The following HEPH variants were observed in gnomAD, a reference collection of about 807,000 sequenced individuals.
The protein encoded by HEPH is hephaestin.
HEPH carries 69 observed loss-of-function variants against 80.8 expected under a neutral mutation model. That is an observed-to-expected ratio of 0.85 (90% CI 0.70 to 1.04). The LOEUF (loss-of-function observed/expected upper bound fraction) is 1.04, where lower values mean the gene tolerates loss of function less well. Ranked by LOEUF, HEPH falls within the 50% of genes least tolerant of loss-of-function variation. The probability of loss-of-function intolerance (pLI) is 0.00; values close to 1 mark genes in which losing one functional copy is unlikely to be tolerated. For missense variants in HEPH, 1,115 were observed against 891.3 expected, an observed-to-expected ratio of 1.25 and a Z score of -3.20; for synonymous variants, 431 against 322.8, an observed-to-expected ratio of 1.34 and a Z score of -3.60.
At chrX:66,194,524 A>T (rs2087982428) in intron 8 of HEPH, among the ~76,000 whole-genome samples, 2 of 112,288 alleles carry the variant, frequency 1.8e-5, no homozygotes, top group Admixed American at 9.4e-5. Flanking sequence ...AAGCTAGATT[A>T]CATGTGGTGG....
intron 6 of HEPH, 57 bp from the exon 7 acceptor site, chrX:66,192,073 C>T: frequency 9.0e-7 from 1 of 1,109,589 alleles, no homozygotes. Flanking sequence ...AAGGTGAGTC[C>T]TCTGGGTTAA....
chrX:66,194,154 T>A (rs995187734), intron 8 of HEPH, among the ~76,000 whole-genome samples: 1 of 111,434 alleles, frequency 9.0e-6, no homozygotes, highest in South Asian at 3.8e-4. Context: ...TTTAGTAGCA[T>A]GATGGAACCA....
chrX:66,172,673 A>G, intron 3 of HEPH, 74 bp downstream of exon 3: 1 of 1,007,066 alleles, frequency 9.9e-7, no homozygotes, highest in Non-Finnish European at 1.3e-6. Context: ...GTGAAGGAGA[A>G]GAACTGGTAG....
intron 15 of HEPH, among the ~76,000 whole-genome samples, chrX:66,220,676 C>T (rs771255517): frequency 8.9e-5 from 10 of 111,944 alleles, no homozygotes; most frequent in Non-Finnish European, 1.5e-4. Context: ...CCTAACATTA[C>T]TATTAATAAC....
At chrX:66,248,208 C>A (rs1185316216) in intron 15 of HEPH, among the ~76,000 whole-genome samples, 1 of 111,627 alleles carries the variant, frequency 9.0e-6, no homozygotes, top group Non-Finnish European at 1.9e-5. Context: ...GTTTCACTTT[C>A]TATGCTTTCA....
chrX:66,212,193 T>C, intron 15 of HEPH, among the ~76,000 whole-genome samples: 1 of 109,773 alleles, frequency 9.1e-6, no homozygotes, highest in Non-Finnish European at 1.9e-5. Flanking sequence ...TGTGTTTTTT[T>C]TTTTTTTCCT....
intron 4 of HEPH, among the ~76,000 whole-genome samples, chrX:66,187,011 T>G (rs1327529457): frequency 9.0e-6 from 1 of 111,320 alleles, no homozygotes; most frequent in Non-Finnish European, 1.9e-5. Flanking sequence ...ACTTGTTCAA[T>G]TCTATTGATG....
At position 66,266,771 on chromosome X, in the gene HEPH, G is replaced by A; in HGVS notation, c.*99G>A. 2.0e-6 allele frequency: 1 copy of A among 502,741 alleles called. No individual in the cohort carries two copies. Among genetic ancestry groups the A allele is most frequent in the East Asian group, 3.6e-5 (1 of 27,610 alleles). The allele number at this position is 502,741 out of a possible 1,213,427, so 41.4% of individuals were successfully genotyped here. A position where few individuals can be genotyped will look rare whatever the true frequency, so the allele number is the denominator to read the frequency against. Reference sequence around the variant, plus strand: ...ACCCCACACTCAAAGGGGCATGGGTGGTGGAGAAGCAGAAGGAGCAATCAA... The same window carrying A: ...ACCCCACACTCAAAGGGGCATGGGTAGTGGAGAAGCAGAAGGAGCAATCAA... On this transcript the variant is annotated 3_prime_UTR_variant, in exon 21 of 21. Coordinates refer to ENST00000343002, the MANE Select transcript of HEPH (RefSeq NM_001367233.3).
chrX:66,224,750 C>T (rs988871062), intron 15 of HEPH, among the ~76,000 whole-genome samples: 1 of 111,214 alleles, frequency 9.0e-6, no homozygotes, highest in African/African-American at 3.3e-5. Context: ...CTTCAATTAC[C>T]AATTATAGGT....
At position 66,199,388 on chromosome X, in the gene HEPH, G is replaced by A. The variant is rs191456854; in HGVS notation, c.1864+360G>A. On this transcript the variant is annotated intron_variant, in intron 11 of 20. Coordinates refer to ENST00000343002, the MANE Select transcript of HEPH (RefSeq NM_001367233.3). ...CCCCCCCCCATACTCCAGCCAACTGGGGCTATTTTTCTTTGTGAACATGCT... is the reference window on the plus strand; with the variant it reads ...CCCCCCCCCATACTCCAGCCAACTGAGGCTATTTTTCTTTGTGAACATGCT... 1.8e-3 allele frequency among the ~76,000 whole-genome samples: 202 copies of A among 109,873 alleles called. 1 individual carries two copies. The highest frequency in any genetic ancestry group is 6.5e-3 in the African/African-American group (194 of 29,949).
intron 10 of HEPH, 43 bp downstream of exon 10, chrX:66,197,937 G>C (rs1440091418): frequency 2.7e-6 from 3 of 1,097,165 alleles, no homozygotes; most frequent in Non-Finnish European, 3.7e-6. Context: ...CTGGGAGAAG[G>C]ATGAAGCTGG....
intron 15 of HEPH, among the ~76,000 whole-genome samples, chrX:66,213,810 T>C: frequency 8.9e-6 from 1 of 112,316 alleles, no homozygotes; most frequent in Non-Finnish European, 1.9e-5. Context: ...CAAACATTCC[T>C]GAAGCAGACC....
chrX:66,202,129 G>T (rs1290617832), intron 12 of HEPH, among the ~76,000 whole-genome samples: 1 of 111,942 alleles, frequency 8.9e-6, no homozygotes, highest in Non-Finnish European at 1.9e-5. Flanking sequence ...AAAGAAACAT[G>T]AATTGAGTCT....
chrX:66,267,624 A>T (rs762712007), downstream of HEPH: 8 of 111,469 alleles, frequency 7.2e-5, no homozygotes, highest in East Asian at 2.3e-3. Flanking sequence ...TGTCAAGAAA[A>T]TTTGCCAGAG....
At chrX:66,198,221 C>T (rs2088216316) in intron 10 of HEPH, among the ~76,000 whole-genome samples, 1 of 106,007 alleles carries the variant, frequency 9.4e-6, no homozygotes, top group African/African-American at 3.5e-5. Flanking sequence ...CTCGGTGGCC[C>T]CTAAACCTTG....
intron 6 of HEPH, among the ~76,000 whole-genome samples, chrX:66,190,982 A>G (rs2087758381): frequency 8.9e-6 from 1 of 112,013 alleles, no homozygotes; most frequent in Non-Finnish European, 1.9e-5. Context: ...TTGATAAATC[A>G]TTTCACTTCT....
At position 66,217,741 on chromosome X, in the gene HEPH, A is replaced by G. The variant is rs895292083; in HGVS notation, c.2563+9495A>G. Reference sequence around the variant, plus strand: ...ATGCTCCATTTAAAAGATACAGAATAGCAGAATAGATACGAATTCACCAAC... The same window carrying G: ...ATGCTCCATTTAAAAGATACAGAATGGCAGAATAGATACGAATTCACCAAC... On this transcript the variant is annotated intron_variant, in intron 15 of 20. Coordinates refer to ENST00000343002, the MANE Select transcript of HEPH (RefSeq NM_001367233.3). Among the ~76,000 whole-genome samples, 3 of 111,978 alleles carry G rather than the reference A, an allele frequency of 2.7e-5. No homozygotes were observed. The South Asian group carries it at 1.1e-3, about 42-fold the overall frequency.
chrX:66,197,582 T>C (rs2088170958), intron 9 of HEPH, 101 bp from the exon 10 acceptor site: 1 of 662,853 alleles, frequency 1.5e-6, no homozygotes, highest in Admixed American at 2.7e-5. Context: ...CTACTGCTGC[T>C]CCAAAATGCC....
chrX:66,236,498 C>T (rs1005387868), intron 15 of HEPH, among the ~76,000 whole-genome samples: 4 of 111,562 alleles, frequency 3.6e-5, no homozygotes, highest in African/African-American at 1.3e-4. Flanking sequence ...TTTTGATGTG[C>T]TGTGGAATTC....
Sources: allele counts gnomAD v4.1 joint callset (sites outside exome capture counted in the v4.1 genomes callset), GRCh38; gene constraint gnomAD v4.1.1; transcripts MANE v1.5; gene names NCBI Gene and HGNC (gene_info 2026-07-23, HGNC 2026-07-21).